KDM2B: variants seen among roughly 807,000 people sequenced by gnomAD.
KDM2B encodes the protein lysine demethylase 2B, also known as lysine-specific demethylase 2B.
A neutral mutation model predicts 150.0 loss-of-function variants in KDM2B; 26 were observed. The ratio of observed to expected loss-of-function variants is 0.17; its 90% CI spans 0.13 to 0.24. The LOEUF is 0.24. Ranked by LOEUF, KDM2B falls within the 10% of genes least tolerant of loss-of-function variation. The pLI, the probability that KDM2B is intolerant of heterozygous loss-of-function variation, is 1.00. For synonymous variants in KDM2B, 734 were observed against 729.5 expected (o/e 1.01, Z -0.10); for missense variants, 1,265 against 1,816.9 (o/e 0.70, Z 5.52).
rs1555295001 is a variant in KDM2B at position 121,467,185 on chromosome 12, G to A, written c.1735-13841C>T. On this transcript the variant is annotated intron_variant, in intron 12 of 22. Transcript: ENST00000377071. This position sits in a 1 kb window ranked among gnomAD's most constrained non-coding sequence, Gnocchi z 5.1. ...GGTCCGGCTCCGATTCATAGTCGTCGTCCTCGGCGCTCACGGACATGGCCA... is the reference window on the plus strand; with the variant it reads ...GGTCCGGCTCCGATTCATAGTCGTCATCCTCGGCGCTCACGGACATGGCCA... The A allele has an allele frequency of 1.8e-6, 2 of 1,118,534 alleles. No homozygotes were observed. Among genetic ancestry groups the A allele is most frequent in the Middle Eastern group, 2.6e-4 (1 of 3,842 alleles). 69.3% of individuals were successfully genotyped at this position (1,118,534 alleles called of 1,614,324 possible).
At chr12:121,433,715 A>C (rs1873454113) in intron 22 of KDM2B, among the ~76,000 whole-genome samples, 1 of 152,188 alleles carries the variant, frequency 6.6e-6, no homozygotes, top group African/African-American at 2.4e-5. Flanking sequence ...AAATAGAAAA[A>C]TCTATCCTAA....
chr12:121,418,033 C>T, the KDM2B span: 12 of 1,038,296 alleles, frequency 1.2e-5, no homozygotes, highest in Non-Finnish European at 1.7e-5. Flanking sequence ...AGTGAAGCTT[C>T]CACACCCAGC....
At chr12:121,450,034 G>A (rs1244495119) in intron 13 of KDM2B, among the ~76,000 whole-genome samples, 5 of 152,292 alleles carry the variant, frequency 3.3e-5, no homozygotes, top group African/African-American at 7.2e-5. Flanking sequence ...AAAGAAAGCC[G>A]ATCTAGGCCA....
chr12:121,571,241 T>A (rs185564652), intron 4 of KDM2B, among the ~76,000 whole-genome samples: 305 of 152,332 alleles, frequency 2.0e-3, no homozygotes, highest in African/African-American at 6.7e-3. Context: ...TTCTGGAATT[T>A]AGTGGGGATG....
chr12:121,450,782 A>T (rs944855715), intron 13 of KDM2B, among the ~76,000 whole-genome samples: 1 of 151,524 alleles, frequency 6.6e-6, no homozygotes, highest in Non-Finnish European at 1.5e-5. Flanking sequence ...AATGGCATGA[A>T]CCCAGGAGGT....
chr12:121,424,754 G>A (rs1359508733), downstream of KDM2B, among the ~76,000 whole-genome samples: 2 of 151,756 alleles, frequency 1.3e-5, no homozygotes, highest in Admixed American at 6.6e-5. Flanking sequence ...AATGCCACAT[G>A]AGCAACAGTG....
chr12:121,443,543 G>A, intron 17 of KDM2B, 137 bp downstream of exon 17: 9 of 660,074 alleles, frequency 1.4e-5, no homozygotes, highest in Non-Finnish European at 2.2e-5. Context: ...AGAACCACGA[G>A]CCAGAGATCT....
chr12:121,496,770 A>G (rs6489816), intron 11 of KDM2B, among the ~76,000 whole-genome samples: 33,573 of 150,038 alleles, frequency 0.22, 6,655 homozygotes, highest in African/African-American at 0.54. Flanking sequence ...GGGAGTGCGG[A>G]TGTGAGCCCC....
rs1880252791 is a variant in KDM2B, at chr12:121,467,638, C to G, written c.1735-14294G>C. Reference sequence around the variant, plus strand: ...CCGGCCCGGCCTGGCCCGCGCGCCGCGGGATGCACATGGGTGGCTGCACGC... The same window carrying G: ...CCGGCCCGGCCTGGCCCGCGCGCCGGGGGATGCACATGGGTGGCTGCACGC... On this transcript the variant is annotated intron_variant, in intron 12 of 22. Coordinates refer to ENST00000377071, the MANE Select transcript of KDM2B (RefSeq NM_032590.5). The surrounding 1 kb of genome is among the most constrained non-coding windows in gnomAD (Gnocchi z 5.1). The G allele has an allele frequency of 6.6e-6, 1 of 150,748 alleles. No individual in the cohort carries two copies. The highest frequency in any genetic ancestry group is 2.4e-5 in the African/African-American group (1 of 41,154). 9.3% of individuals were successfully genotyped at this position (150,748 alleles called of 1,614,324 possible).
intron 22 of KDM2B, 84 bp downstream of exon 22, chr12:121,439,773 A>G: frequency 1.0e-6 from 1 of 986,826 alleles, no homozygotes; most frequent in African/African-American, 1.6e-5. Context: ...ATAGCTGTAG[A>G]CACACGAATC....
chr12:121,507,405 A>G (rs920689762), intron 11 of KDM2B, among the ~76,000 whole-genome samples: 11 of 152,184 alleles, frequency 7.2e-5, no homozygotes, highest in African/African-American at 2.7e-4. Flanking sequence ...GAAGGTTTCA[A>G]TGTGTTTGTA....
At chr12:121,409,893 T>A in the KDM2B span, 34 of 152,308 alleles carry the variant, frequency 2.2e-4, no homozygotes, top group African/African-American at 7.7e-4. Context: ...TGGTGGCTCA[T>A]ACCTGTAATC....
intron 8 of KDM2B, among the ~76,000 whole-genome samples, chr12:121,527,070 C>T (rs1333376094): frequency 2.0e-5 from 3 of 151,518 alleles, no homozygotes; most frequent in Non-Finnish European, 2.9e-5. Context: ...TTTTTTGAGA[C>T]GGAGTCTCGC....
At chr12:121,473,388 CAA>C (rs138780057) in intron 12 of KDM2B, among the ~76,000 whole-genome samples, 9 of 111,778 alleles carry the variant, frequency 8.1e-5, no homozygotes, top group Non-Finnish European at 5.4e-5. Flanking sequence ...GACTCTGTCT[CAA>C]AAAAAAAAAA....
chr12:121,564,228 C>T (rs535654879), intron 4 of KDM2B, among the ~76,000 whole-genome samples: 3 of 152,158 alleles, frequency 2.0e-5, no homozygotes, highest in East Asian at 1.9e-4. Context: ...GAAGCTGAAG[C>T]GGGTGGATCA....
intron 6 of KDM2B, among the ~76,000 whole-genome samples, chr12:121,541,825 C>T (rs1888635851): frequency 1.3e-5 from 2 of 152,102 alleles, no homozygotes; most frequent in Non-Finnish European, 2.9e-5. Flanking sequence ...TCTCTACAAA[C>T]CTGTATTCTA....
chr12:121,448,031 T>A (rs559121863), intron 13 of KDM2B, among the ~76,000 whole-genome samples: 58 of 151,560 alleles, frequency 3.8e-4, no homozygotes, highest in Admixed American at 1.6e-3. Flanking sequence ...TAAAAAAAAA[T>A]TTCTTGGCCA....
intron 11 of KDM2B, among the ~76,000 whole-genome samples, chr12:121,499,293 T>C (rs1884287841): frequency 6.6e-6 from 1 of 151,116 alleles, no homozygotes; most frequent in Non-Finnish European, 1.5e-5. Flanking sequence ...TATCTTTTTT[T>C]TTTTTTTTAG....
chr12:121,500,596 G>A (rs1316417390), intron 11 of KDM2B, among the ~76,000 whole-genome samples: 1 of 152,228 alleles, frequency 6.6e-6, no homozygotes, highest in Non-Finnish European at 1.5e-5. Flanking sequence ...GCAGGCATCA[G>A]GGAAGAATCG....
Sources: allele counts gnomAD v4.1 joint callset (sites outside exome capture counted in the v4.1 genomes callset), GRCh38; gene constraint gnomAD v4.1.1; non-coding constraint Gnocchi (gnomAD v3.1); transcripts MANE v1.5; gene names NCBI Gene and HGNC (gene_info 2026-07-23, HGNC 2026-07-21).